The following DPF3 variants were observed in gnomAD, a reference collection of about 807,000 sequenced individuals.
DPF3 encodes zinc finger protein DPF3.
DPF3 carries 18 observed loss-of-function variants against 56.8 expected under a neutral mutation model. The ratio of observed to expected loss-of-function variants is 0.32; its 90% CI spans 0.22 to 0.47. DPF3 has a LOEUF of 0.47. Among genes scored for constraint, DPF3 ranks in the 20% least tolerant of loss-of-function variants. The pLI, the probability that DPF3 is intolerant of heterozygous loss-of-function variation, is 1.00. For missense variants in DPF3, 403 were observed against 488.8 expected (o/e 0.82, Z 1.65); for synonymous variants, 188 against 180.2 (o/e 1.04, Z -0.35).
chr14:72,696,646 T>C (rs983977161), intron 6 of DPF3, among the ~76,000 whole-genome samples: 2 of 152,240 alleles, frequency 1.3e-5, no homozygotes, highest in Admixed American at 6.5e-5. Flanking sequence ...TCAGACTAAT[T>C]GTTCTTAAAA....
intron 2 of DPF3, among the ~76,000 whole-genome samples, chr14:72,762,168 G>A (rs1236696331): frequency 6.6e-6 from 1 of 151,766 alleles, no homozygotes; most frequent in African/African-American, 2.4e-5. Flanking sequence ...AAGTAAAAAT[G>A]AAGAAATACT....
intron 8 of DPF3, chr14:72,662,632 G>T (rs1384209031): frequency 1.2e-5 from 12 of 985,414 alleles, no homozygotes; most frequent in Non-Finnish European, 1.4e-5. Flanking sequence ...GCTTCTGTGG[G>T]CTGAGCTGAG....
intron 1 of DPF3, among the ~76,000 whole-genome samples, chr14:72,884,406 T>C (rs1886435563): frequency 6.6e-6 from 1 of 152,232 alleles, no homozygotes; most frequent in Non-Finnish European, 1.5e-5. Context: ...GTAGGTATTA[T>C]TGACTGCCTG....
At chr14:72,808,447 TG>T (rs1179551015) in intron 1 of DPF3, among the ~76,000 whole-genome samples, 1 of 152,162 alleles carries the variant, frequency 6.6e-6, no homozygotes, top group Admixed American at 6.5e-5. Context: ...CAGTCCTTGG[TG>T]TAATACTACA....
At chr14:72,660,173 T>A (rs1194564525) in intron 8 of DPF3, among the ~76,000 whole-genome samples, 2 of 151,964 alleles carry the variant, frequency 1.3e-5, no homozygotes, top group Non-Finnish European at 2.9e-5. Context: ...CAGAACTATA[T>A]CTTAAAAGCG....
At chr14:72,859,967 C>CAA (rs5809595) in intron 1 of DPF3, among the ~76,000 whole-genome samples, 2 of 131,874 alleles carry the variant, frequency 1.5e-5, no homozygotes, top group East Asian at 2.3e-4. Flanking sequence ...ATTTAACTGA[C>CAA]AAAAAAAAAA....
intron 8 of DPF3, among the ~76,000 whole-genome samples, chr14:72,640,925 C>T (rs545833053): frequency 3.3e-5 from 5 of 152,116 alleles, no homozygotes; most frequent in Admixed American, 1.3e-4. Flanking sequence ...TAAAAAGGAC[C>T]TAGTTAGGGG....
At chr14:72,871,764 A>AT (rs1258167072) in intron 1 of DPF3, among the ~76,000 whole-genome samples, 1 of 152,192 alleles carries the variant, frequency 6.6e-6, no homozygotes, top group East Asian at 1.9e-4. Context: ...ACAGTCTGGC[A>AT]TTGAGTCTCT....
chr14:72,892,446 A>G, intron 1 of DPF3: 1 of 1,440,458 alleles, frequency 6.9e-7, no homozygotes, highest in South Asian at 1.5e-5. Context: ...CTCAGCTTCC[A>G]ACGTCCTCTT....
At chr14:72,702,147 T>C (rs1217380645) in intron 6 of DPF3, among the ~76,000 whole-genome samples, 2 of 152,152 alleles carry the variant, frequency 1.3e-5, no homozygotes, top group East Asian at 3.9e-4. Context: ...GGTGCGCTGG[T>C]GAGTCTCTGC....
chr14:72,714,022 C>T (rs144088799), intron 6 of DPF3, among the ~76,000 whole-genome samples: 22 of 152,316 alleles, frequency 1.4e-4, no homozygotes, highest in East Asian at 3.9e-4. Flanking sequence ...AAAGCCATGG[C>T]GAGCCAAGTA....
intron 3 of DPF3, among the ~76,000 whole-genome samples, chr14:72,736,275 T>C (rs1162804502): frequency 6.6e-6 from 1 of 152,230 alleles, no homozygotes; most frequent in African/African-American, 2.4e-5. Context: ...CTTCAAAGTC[T>C]GGTGGGTATT....
intron 1 of DPF3, among the ~76,000 whole-genome samples, chr14:72,889,886 G>A (rs1419440332): frequency 2.0e-5 from 3 of 152,156 alleles, no homozygotes; most frequent in East Asian, 1.9e-4. Flanking sequence ...ATACAATCAC[G>A]TATATGTGTG....
chr14:72,702,377 T>C (rs1599369590), intron 6 of DPF3, among the ~76,000 whole-genome samples: 1 of 152,106 alleles, frequency 6.6e-6, no homozygotes, highest in East Asian at 1.9e-4. Flanking sequence ...CCTGCCTGGC[T>C]CTGGGAACCC....
intron 8 of DPF3, among the ~76,000 whole-genome samples, chr14:72,639,338 C>T (rs147841503): frequency 5.9e-5 from 9 of 152,256 alleles, no homozygotes; most frequent in African/African-American, 1.2e-4. Context: ...CAGTCTCTGG[C>T]GTGGCTATCA....
intron 8 of DPF3, among the ~76,000 whole-genome samples, chr14:72,640,063 A>G (rs1309837189): frequency 1.4e-5 from 2 of 143,902 alleles, no homozygotes; most frequent in African/African-American, 5.1e-5. Context: ...AAAAAAAAAA[A>G]AAAAAAAAAA....
intron 1 of DPF3, among the ~76,000 whole-genome samples, chr14:72,809,114 G>A (rs933133800): frequency 5.3e-5 from 8 of 152,182 alleles, no homozygotes; most frequent in Non-Finnish European, 7.3e-5. Context: ...ATCTTCACAC[G>A]TGTCTACTTT....
chr14:72,730,213 G>A (rs927054075), intron 4 of DPF3, among the ~76,000 whole-genome samples: 3 of 151,956 alleles, frequency 2.0e-5, no homozygotes, highest in Non-Finnish European at 2.9e-5. Flanking sequence ...GAGGGGATGC[G>A]GGAGAACTGG....
At chr14:72,819,973 T>C (rs972575554) in intron 1 of DPF3, among the ~76,000 whole-genome samples, 1 of 152,138 alleles carries the variant, frequency 6.6e-6, no homozygotes, top group Admixed American at 6.5e-5. Flanking sequence ...TATGATTGTG[T>C]TTACATGAAC....
Sources: gnomAD v4.1 joint callset for allele counts (sites outside exome capture counted in the v4.1 genomes callset) on GRCh38, gnomAD v4.1.1 for gene constraint, MANE v1.5 for transcripts, NCBI Gene and HGNC (gene_info 2026-07-23, HGNC 2026-07-21) for gene names.